HAS1: variants seen among roughly 807,000 people sequenced by gnomAD.
HAS1 encodes HA synthase 1.
HAS1 carries 27 observed loss-of-function variants against 35.0 expected under a neutral mutation model. The observed-to-expected ratio is 0.77, with a 90% confidence interval of 0.57 to 1.06. The LOEUF is 1.06. HAS1 is among the 50% of genes least tolerant of loss of function. The pLI, the probability that HAS1 is intolerant of heterozygous loss-of-function variation, is 0.00. For missense variants in HAS1, 940 were observed against 814.8 expected (o/e 1.15, Z -1.87); for synonymous variants, 409 against 371.2 (o/e 1.10, Z -1.17).
rs1332449531 is a variant in HAS1 at position 51,713,623 on chromosome 19, A to G, written c.1538T>C (p.Leu513Pro). ...LPLALWALLLLGGLVRSVAHE... is the reference protein window; with the variant it reads ...LPLALWALLLPGGLVRSVAHE... ...TGCTACGCTGCGGACCAGGCCCCCA[A>G]GCAGCAGCAGCGCCCAGAGCGCCAG... The change falls in exon 5 of 5, where the codon CTT (leucine) becomes CCT (proline). Residue 513 changes from leucine (L) to proline (P), a missense_variant. Coordinates refer to ENST00000540069, the MANE Select transcript of HAS1 (RefSeq NM_001297436.2). This position sits in a 1 kb window ranked among gnomAD's most constrained non-coding sequence, Gnocchi z 4.5. 1.9e-6 allele frequency: 3 copies of G among 1,560,324 alleles called. No homozygotes were observed. Among genetic ancestry groups the G allele is most frequent in the Non-Finnish European group, 8.7e-7 (1 of 1,152,372 alleles).
At position 51,719,617 on chromosome 19, in the gene HAS1, C is replaced by T; in HGVS notation, c.288G>A (p.Val96=). The part of the protein sequence containing the change: ...GPLDAATARS[V]ALTISAYQED... The stretch of plus-strand genomic sequence containing the variant: ...CCTGGTAGGCGGAGATGGTCAGCGC[C>T]ACACTGCGCGCGGTGGCTGCATCCA... Residue 96 remains valine (V), a synonymous_variant, in exon 2 of 5, where the codon GTG becomes GTA. Coordinates refer to ENST00000540069, the MANE Select transcript of HAS1 (RefSeq NM_001297436.2). 7 of 1,540,478 alleles carry T rather than the reference C, an allele frequency of 4.5e-6. No homozygotes were observed. The highest frequency in any genetic ancestry group is 6.1e-6 in the Non-Finnish European group (7 of 1,144,034).
chr19:51,720,062 GTGTC>G, intron 1 of HAS1, 167 bp from the exon 2 acceptor site: 1 of 553,434 alleles, frequency 1.8e-6, no homozygotes, highest in Non-Finnish European at 3.1e-6. Context: ...CTCTCTCTCT[GTGTC>G]TGTCTCGCTG....
rs1467357517 is a variant in HAS1 at position 51,713,230 on chromosome 19, T to C, written c.*197A>G. Reference sequence around the variant, plus strand: ...TCCTCAGATCCCACACCCTGACCAATAAATACCCTCCCTGGAGACCCAGAA... The same window carrying C: ...TCCTCAGATCCCACACCCTGACCAACAAATACCCTCCCTGGAGACCCAGAA... On this transcript the variant is annotated 3_prime_UTR_variant, in exon 5 of 5. Coordinates refer to ENST00000540069, the MANE Select transcript of HAS1 (RefSeq NM_001297436.2). The surrounding 1 kb of genome is among the most constrained non-coding windows in gnomAD (Gnocchi z 4.5). 2.0e-6 allele frequency: 1 copy of C among 489,804 alleles called. No homozygotes were observed. Among genetic ancestry groups the C allele is most frequent in the East Asian group, 3.4e-5 (1 of 29,822 alleles). 30.3% of individuals were successfully genotyped at this position (489,804 alleles called of 1,614,324 possible). A position where few individuals can be genotyped will look rare whatever the true frequency, so the allele number is the denominator to read the frequency against.
intron 1 of HAS1, among the ~76,000 whole-genome samples, chr19:51,721,902 C>A (rs933580101): frequency 6.6e-6 from 1 of 152,308 alleles, no homozygotes; most frequent in South Asian, 2.1e-4. Flanking sequence ...TGCACCCGGT[C>A]TCTACAACAA....
At chr19:51,718,236 C>CAA (rs149683841) in intron 2 of HAS1, among the ~76,000 whole-genome samples, 11 of 126,878 alleles carry the variant, frequency 8.7e-5, no homozygotes, top group African/African-American at 3.0e-4. Context: ...GATTCCATCT[C>CAA]AAAAAAAAAA....
At chr19:51,715,845 A>C (rs2083582658) in intron 4 of HAS1, among the ~76,000 whole-genome samples, 1 of 152,060 alleles carries the variant, frequency 6.6e-6, no homozygotes, top group Non-Finnish European at 1.5e-5. Context: ...CACTAGTTAG[A>C]TCCCACTCTA....
chr19:51,717,273 A>G, intron 2 of HAS1, 80 bp from the exon 3 acceptor site: 1 of 946,418 alleles, frequency 1.1e-6, no homozygotes, highest in African/African-American at 1.6e-5. Context: ...AAGGGGTGCA[A>G]TGCAGCTGGG....
At chr19:51,719,125 T>A (rs1209124008) in intron 2 of HAS1, 81 bp downstream of exon 2, 17 of 804,096 alleles carry the variant, frequency 2.1e-5, no homozygotes, top group Non-Finnish European at 3.1e-5. Flanking sequence ...GTCATTCAAA[T>A]CTGTACATTG....
intron 3 of HAS1, 111 bp from the exon 4 acceptor site, chr19:51,716,499 A>G (rs986478294): frequency 5.1e-5 from 45 of 877,254 alleles, no homozygotes; most frequent in Non-Finnish European, 6.4e-5. Flanking sequence ...ATCCTCAGTC[A>G]TCATAATCTC....
At chr19:51,714,236 A>G (rs982341649) in intron 4 of HAS1, 134 bp from the exon 5 acceptor site, 162 of 1,378,866 alleles carry the variant, frequency 1.2e-4, no homozygotes, top group Non-Finnish European at 1.4e-4. Flanking sequence ...CAGTGTTCTC[A>G]TGTGTAGAAT....
At chr19:51,714,167 GGCA>G (rs1440973166) in intron 4 of HAS1, 65 bp from the exon 5 acceptor site, 7 of 1,559,376 alleles carry the variant, frequency 4.5e-6, no homozygotes, top group Non-Finnish European at 6.1e-6. Flanking sequence ...GGATTCTGGA[GGCA>G]GAAATGACCA....
chr19:51,716,741 C>T (rs2083589016), intron 3 of HAS1, among the ~76,000 whole-genome samples: 1 of 152,090 alleles, frequency 6.6e-6, no homozygotes, highest in Non-Finnish European at 1.5e-5. Context: ...CTTCCCCAGC[C>T]CCAGCCCCAA....
chr19:51,722,782 ATAT>A (rs2083639760), intron 1 of HAS1, among the ~76,000 whole-genome samples: 1 of 152,182 alleles, frequency 6.6e-6, no homozygotes, highest in Non-Finnish European at 1.5e-5. Flanking sequence ...AAAGCCTCAA[ATAT>A]TTAATATTGG....
In HAS1 at chr19:51,713,141, T is replaced by C; in HGVS notation, c.*286A>G. On this transcript the variant is annotated 3_prime_UTR_variant, in exon 5 of 5. Transcript: ENST00000540069. This position sits in a 1 kb window ranked among gnomAD's most constrained non-coding sequence, Gnocchi z 4.5. ...ATAAATAAAATTCTTTATTACATCC[T>C]GATCACACAGTAGAAATGGAGATTA... is the stretch of plus-strand genomic sequence containing the variant. The C allele has an allele frequency of 2.6e-6, 1 of 385,586 alleles. No individual in the cohort carries two copies. Among genetic ancestry groups the C allele is most frequent in the Admixed American group, 4.5e-5 (1 of 22,418 alleles). The allele number at this position is 385,586 out of a possible 1,614,324, so 23.9% of individuals were successfully genotyped here. A position where few individuals can be genotyped will look rare whatever the true frequency, so the allele number is the denominator to read the frequency against.
At chr19:51,722,662 A>G (rs1037996357) in intron 1 of HAS1, among the ~76,000 whole-genome samples, 6 of 152,164 alleles carry the variant, frequency 3.9e-5, no homozygotes, top group Non-Finnish European at 7.3e-5. Flanking sequence ...TCCTTAAAGG[A>G]AGTTTTATTT....
At chr19:51,722,275 G>A (rs949171446) in intron 1 of HAS1, among the ~76,000 whole-genome samples, 9 of 151,988 alleles carry the variant, frequency 5.9e-5, no homozygotes, top group Non-Finnish European at 1.0e-4. Context: ...TACTTGATTC[G>A]GTTATTGGAA....
intron 1 of HAS1, among the ~76,000 whole-genome samples, chr19:51,721,251 T>C (rs909501977): frequency 1.3e-4 from 19 of 151,986 alleles, no homozygotes; most frequent in African/African-American, 4.1e-4. Flanking sequence ...TGAGGACTGA[T>C]TGGCCAGAAG....
chr19:51,713,919 C>T lies in HAS1; in HGVS notation c.1242G>A (p.Val414=). The T allele has an allele frequency of 6.2e-7, 1 of 1,608,244 alleles. No homozygotes were observed. The highest frequency in any genetic ancestry group is 8.5e-7 in the Non-Finnish European group (1 of 1,180,000). Reference sequence around the variant, plus strand: ...AGAACAGACGCAGCACAGTGGCCGCCACGAAGAAGGGGAACAGGCCGGAGA... The same window carrying T: ...AGAACAGACGCAGCACAGTGGCCGCTACGAAGAAGGGGAACAGGCCGGAGA... ...AVVSGLFPFF[V]AATVLRLFYA... Residue 414 remains valine, a synonymous_variant, in exon 5 of 5, where the codon GTG becomes GTA. Coordinates refer to ENST00000540069, the MANE Select transcript of HAS1 (RefSeq NM_001297436.2). The surrounding 1 kb of genome is among the most constrained non-coding windows in gnomAD (Gnocchi z 4.5).
intron 1 of HAS1, among the ~76,000 whole-genome samples, chr19:51,721,331 T>C (rs2083630389): frequency 1.3e-5 from 2 of 152,200 alleles, no homozygotes; most frequent in Admixed American, 1.3e-4. Flanking sequence ...AGGCATAGCC[T>C]GGTTCTCCTT....
Sources: allele counts gnomAD v4.1 joint callset (sites outside exome capture counted in the v4.1 genomes callset), GRCh38; gene constraint gnomAD v4.1.1; non-coding constraint Gnocchi (gnomAD v3.1); transcripts MANE v1.5; gene names NCBI Gene and HGNC (gene_info 2026-07-23, HGNC 2026-07-21).